SH3GL3: variants seen among roughly 807,000 people sequenced by gnomAD.
SH3GL3 encodes endophilin-A3.
In SH3GL3, 33 loss-of-function variants were observed where a neutral mutation model predicts 47.7. That is an observed-to-expected ratio of 0.69 (90% confidence interval 0.52 to 0.92). SH3GL3 has a LOEUF of 0.92. SH3GL3 is among the 40% of genes least tolerant of loss of function. The pLI, the probability that SH3GL3 is intolerant of heterozygous loss-of-function variation, is 0.00. For missense variants in SH3GL3, 363 were observed against 417.8 expected, an observed-to-expected ratio of 0.87 and a Z score of 1.14; for synonymous variants, 155 against 148.8, an observed-to-expected ratio of 1.04 and a Z score of -0.30.
chr15:83,613,621 AT>A (rs2151848609), intron 8 of SH3GL3, among the ~76,000 whole-genome samples: 1 of 8,576 alleles, frequency 1.2e-4, no homozygotes, highest in East Asian at 2.2e-3. Context: ...AAATATATAA[AT>A]CTATCTATCT....
chr15:83,471,105 T>G (rs1191699432), intron 1 of SH3GL3, among the ~76,000 whole-genome samples: 3 of 152,208 alleles, frequency 2.0e-5, no homozygotes, highest in Non-Finnish European at 4.4e-5. Flanking sequence ...TTTTCTGATG[T>G]TCCAAGATTC....
intron 1 of SH3GL3, among the ~76,000 whole-genome samples, chr15:83,539,074 T>G (rs970561474): frequency 5.9e-5 from 9 of 152,226 alleles, no homozygotes; most frequent in Admixed American, 5.9e-4. Flanking sequence ...AGTAATGTAG[T>G]GGCATCTCAT....
chr15:83,604,988 A>G (rs552367303), intron 8 of SH3GL3, among the ~76,000 whole-genome samples: 1 of 152,318 alleles, frequency 6.6e-6, no homozygotes, highest in Admixed American at 6.5e-5. Flanking sequence ...GAAGGGAAAA[A>G]CAGAGGACAG....
At chr15:83,490,900 C>T (rs1459136991) in intron 1 of SH3GL3, 1 of 1,613,928 alleles carries the variant, frequency 6.2e-7, no homozygotes, top group African/African-American at 1.3e-5. Context: ...GACCTCCCAA[C>T]AGGTAATAAA....
chr15:83,559,923 C>T (rs903728262), intron 2 of SH3GL3, among the ~76,000 whole-genome samples: 3 of 152,226 alleles, frequency 2.0e-5, no homozygotes, highest in East Asian at 1.9e-4. Flanking sequence ...AAAAATATGA[C>T]GGGCTTGAGA....
intron 8 of SH3GL3, among the ~76,000 whole-genome samples, chr15:83,600,842 ATTTG>A (rs775402295): frequency 2.0e-5 from 3 of 152,064 alleles, no homozygotes; most frequent in Non-Finnish European, 2.9e-5. Context: ...ATGTGTTTCC[ATTTG>A]TTTGTGACAT....
intron 6 of SH3GL3, among the ~76,000 whole-genome samples, chr15:83,581,033 A>C (rs1021290326): frequency 6.6e-6 from 1 of 152,192 alleles, no homozygotes; most frequent in African/African-American, 2.4e-5. Context: ...TGGCACTGAC[A>C]ATTCAAAGAC....
At chr15:83,551,497 C>T (rs1370430601) in intron 1 of SH3GL3, among the ~76,000 whole-genome samples, 3 of 152,154 alleles carry the variant, frequency 2.0e-5, no homozygotes, top group African/African-American at 7.2e-5. Context: ...GCATTTTTCC[C>T]CACTCCACCT....
intron 1 of SH3GL3, among the ~76,000 whole-genome samples, chr15:83,549,253 G>GT (rs1312837933): frequency 6.6e-6 from 1 of 152,062 alleles, no homozygotes; most frequent in Non-Finnish European, 1.5e-5. Flanking sequence ...TCTTTTCTTA[G>GT]TTTTCCATTG....
At chr15:83,621,367 T>A (rs1859807394), downstream of SH3GL3, among the ~76,000 whole-genome samples, 1 of 152,146 alleles carries the variant, frequency 6.6e-6, no homozygotes, top group South Asian at 2.1e-4. Context: ...TAGAGGCCAT[T>A]GTAGGGTTAC....
intron 1 of SH3GL3, among the ~76,000 whole-genome samples, chr15:83,553,456 A>G (rs534478029): frequency 2.6e-5 from 4 of 152,174 alleles, no homozygotes; most frequent in Admixed American, 1.3e-4. Context: ...ACTTATTACT[A>G]TCTGATTTTG....
the SH3GL3 span, among the ~76,000 whole-genome samples, chr15:83,632,207 G>A: frequency 6.6e-6 from 1 of 152,214 alleles, no homozygotes; most frequent in African/African-American, 2.4e-5. Flanking sequence ...CATTCAGCAA[G>A]TCTCTAGGAA....
intron 1 of SH3GL3, among the ~76,000 whole-genome samples, chr15:83,505,981 GT>G (rs771761182): frequency 1.3e-5 from 2 of 152,094 alleles, no homozygotes; most frequent in Non-Finnish European, 2.9e-5. Context: ...TTACTCTGTA[GT>G]TTATCTTTTC....
At chr15:83,487,156 T>C (rs184974337) in intron 1 of SH3GL3, among the ~76,000 whole-genome samples, 1 of 152,308 alleles carries the variant, frequency 6.6e-6, no homozygotes, top group East Asian at 1.9e-4. Flanking sequence ...AATTGCTGGG[T>C]TATTCTTAAA....
intron 1 of SH3GL3, among the ~76,000 whole-genome samples, chr15:83,551,849 A>T (rs1291815968): frequency 1.3e-5 from 2 of 152,150 alleles, no homozygotes; most frequent in African/African-American, 2.4e-5. Flanking sequence ...GTTGAATGTA[A>T]TCCAATTGTG....
At chr15:83,515,506 T>A (rs1384282098) in intron 1 of SH3GL3, among the ~76,000 whole-genome samples, 1 of 149,836 alleles carries the variant, frequency 6.7e-6, no homozygotes, top group African/African-American at 2.4e-5. Flanking sequence ...TGTCCTGGGG[T>A]AAAGGGAGCC....
intron 8 of SH3GL3, among the ~76,000 whole-genome samples, chr15:83,592,479 G>A (rs1383439675): frequency 6.6e-6 from 1 of 151,652 alleles, no homozygotes; most frequent in East Asian, 1.9e-4. Context: ...GTGCAGGCTC[G>A]TGCAGTAGTC....
chr15:83,508,804 C>T (rs1261198372), intron 1 of SH3GL3, among the ~76,000 whole-genome samples: 1 of 151,834 alleles, frequency 6.6e-6, no homozygotes, highest in Admixed American at 6.6e-5. Context: ...TCATGTTGGC[C>T]AGGATGGTCT....
chr15:83,505,082 T>C (rs1036588431), intron 1 of SH3GL3, among the ~76,000 whole-genome samples: 2 of 152,176 alleles, frequency 1.3e-5, no homozygotes, highest in Admixed American at 6.5e-5. Context: ...AATCTAGAGA[T>C]TCATTGTATG....
Sources: allele counts gnomAD v4.1 joint callset (sites outside exome capture counted in the v4.1 genomes callset), GRCh38; gene constraint gnomAD v4.1.1; transcripts MANE v1.5; gene names NCBI Gene and HGNC (gene_info 2026-07-23, HGNC 2026-07-21).